PPP2R3A: variants seen among roughly 807,000 people sequenced by gnomAD.
The protein encoded by PPP2R3A is protein phosphatase 2 regulatory subunit B''alpha.
PPP2R3A carries 80 observed loss-of-function variants against 106.9 expected under a neutral mutation model. The observed-to-expected ratio is 0.75, with a 90% confidence interval of 0.62 to 0.90. The LOEUF is 0.90. PPP2R3A is among the 40% of genes least tolerant of loss of function. The probability of loss-of-function intolerance (pLI) is 0.00; values close to 1 mark genes in which losing one functional copy is unlikely to be tolerated. For synonymous variants in PPP2R3A, 483 were observed against 468.3 expected, an observed-to-expected ratio of 1.03 and a Z score of -0.41; for missense variants, 1,386 against 1,350.4, an observed-to-expected ratio of 1.03 and a Z score of -0.41.
At chr3:136,024,598 C>T (rs574401115) in intron 2 of PPP2R3A, among the ~76,000 whole-genome samples, 23 of 152,184 alleles carry the variant, frequency 1.5e-4, no homozygotes, top group Admixed American at 1.4e-3. Flanking sequence ...AAAGCAAAAG[C>T]ATAGAGTTAA....
intron 5 of PPP2R3A, among the ~76,000 whole-genome samples, chr3:136,052,427 T>C (rs1441374334): frequency 3.3e-5 from 5 of 152,152 alleles, no homozygotes. Context: ...CCTACTAGGC[T>C]CTCCTCCTCC....
At chr3:136,129,700 C>T (rs1450894604) in intron 13 of PPP2R3A, among the ~76,000 whole-genome samples, 1 of 152,100 alleles carries the variant, frequency 6.6e-6, no homozygotes, top group Admixed American at 6.6e-5. Flanking sequence ...CAAAGCCTAC[C>T]AGAGACACAA....
chr3:136,077,527 G>T (rs891275304), intron 6 of PPP2R3A, among the ~76,000 whole-genome samples: 1 of 67,148 alleles, frequency 1.5e-5, no homozygotes, highest in African/African-American at 6.1e-5. Flanking sequence ...AAATAAAGCT[G>T]CTCAAATTGC....
chr3:136,055,504 AT>A, intron 5 of PPP2R3A: 1 of 1,190,334 alleles, frequency 8.4e-7, no homozygotes, highest in Non-Finnish European at 1.3e-6. Context: ...TAGTTTGGAG[AT>A]TACAGGTTCT....
chr3:136,136,058 AAAAAAAAAAAAAAAATTATATAT>A, intron 13 of PPP2R3A, among the ~76,000 whole-genome samples: 1 of 47,214 alleles, frequency 2.1e-5, no homozygotes, highest in East Asian at 9.9e-4. Flanking sequence ...AAAAAAAAAA[AAAAAAAAAAAAAAAATTATATAT>A]ATATATATAT....
intron 1 of PPP2R3A, among the ~76,000 whole-genome samples, chr3:135,980,294 T>C (rs957681694): frequency 5.3e-5 from 8 of 151,808 alleles, no homozygotes; most frequent in African/African-American, 9.7e-5. Flanking sequence ...CCATCTTGCC[T>C]GTGAACAAGG....
At chr3:135,988,375 T>C (rs960387472) in intron 1 of PPP2R3A, among the ~76,000 whole-genome samples, 4 of 152,062 alleles carry the variant, frequency 2.6e-5, no homozygotes, top group African/African-American at 9.7e-5. Context: ...ATCTGACCAC[T>C]TTGCTCCTGC....
intron 8 of PPP2R3A, among the ~76,000 whole-genome samples, chr3:136,085,292 C>CCA (rs1336418499): frequency 6.6e-6 from 1 of 152,100 alleles, no homozygotes; most frequent in Non-Finnish European, 1.5e-5. Flanking sequence ...GGGAGTTCCC[C>CCA]CACACACACC....
intron 13 of PPP2R3A, among the ~76,000 whole-genome samples, chr3:136,132,575 A>C (rs2108019721): frequency 6.6e-6 from 1 of 152,032 alleles, no homozygotes; most frequent in South Asian, 2.1e-4. Context: ...ATAAAATAAT[A>C]ATACTTGTAC....
chr3:136,103,567 A>G (rs1937436746), intron 12 of PPP2R3A, among the ~76,000 whole-genome samples, 191 bp downstream of exon 12: 1 of 152,216 alleles, frequency 6.6e-6, no homozygotes, highest in African/African-American at 2.4e-5. Flanking sequence ...CGTCAGGTCT[A>G]AGTAACCTGC....
chr3:135,985,373 T>G (rs1937596036), intron 1 of PPP2R3A, among the ~76,000 whole-genome samples: 1 of 123,364 alleles, frequency 8.1e-6, no homozygotes, highest in Admixed American at 7.9e-5. Flanking sequence ...CCTCTCTCCC[T>G]TCCTCTCTCC....
At chr3:136,025,605 T>C (rs968117032) in intron 2 of PPP2R3A, among the ~76,000 whole-genome samples, 5 of 152,144 alleles carry the variant, frequency 3.3e-5, no homozygotes, top group African/African-American at 1.2e-4. Flanking sequence ...ATTTTTATCA[T>C]GATTTTTAAA....
intron 12 of PPP2R3A, among the ~76,000 whole-genome samples, chr3:136,104,391 C>T (rs1465564862): frequency 6.6e-6 from 1 of 151,884 alleles, no homozygotes; most frequent in African/African-American, 2.4e-5. Flanking sequence ...ACCGCAACCT[C>T]CGCCTCCCGG....
intron 10 of PPP2R3A, among the ~76,000 whole-genome samples, chr3:136,099,287 G>A (rs1199720570): frequency 6.6e-6 from 1 of 152,024 alleles, no homozygotes; most frequent in African/African-American, 2.4e-5. Context: ...TCTCAAATAT[G>A]AGCAGAGAAC....
chr3:136,066,980 A>G, intron 5 of PPP2R3A, among the ~76,000 whole-genome samples: 1 of 152,196 alleles, frequency 6.6e-6, no homozygotes, highest in East Asian at 1.9e-4. Flanking sequence ...TGTTAAAGCC[A>G]ATATCTTATT....
chr3:136,137,008 A>G lies in PPP2R3A; in HGVS notation c.3330-8035A>G, dbSNP rs6771253. On this transcript the variant is annotated intron_variant, in intron 13 of 13. Transcript: ENST00000264977. ...ATACAACAGCATTTATATAAACTCAACCCTCGTAAGAGAAGCCAGAAAGAC... is the reference window on the plus strand; with the variant it reads ...ATACAACAGCATTTATATAAACTCAGCCCTCGTAAGAGAAGCCAGAAAGAC... 3.5e-3 allele frequency among the ~76,000 whole-genome samples: 539 copies of G among 152,326 alleles called. 7 individuals are homozygous for G. In the East Asian group the frequency reaches 0.048, roughly 13 times the overall value.
At chr3:136,079,296 G>T in intron 7 of PPP2R3A, 1 of 326,678 alleles carries the variant, frequency 3.1e-6, no homozygotes, top group Non-Finnish European at 6.3e-6. Context: ...AATATGGGAT[G>T]GGTTAAAATG....
At chr3:136,064,122 A>G (rs1398332159) in intron 5 of PPP2R3A, among the ~76,000 whole-genome samples, 1 of 151,984 alleles carries the variant, frequency 6.6e-6, no homozygotes, top group Non-Finnish European at 1.5e-5. Context: ...TTGTAGGGAC[A>G]TGGATGAAGC....
chr3:135,985,309 C>T (rs1342683633), intron 1 of PPP2R3A, among the ~76,000 whole-genome samples: 1 of 151,778 alleles, frequency 6.6e-6, no homozygotes, highest in Non-Finnish European at 1.5e-5. Context: ...CTTTGTCTCT[C>T]TCTCTCTCCC....
Sources: gnomAD v4.1 joint callset for allele counts (sites outside exome capture counted in the v4.1 genomes callset) on GRCh38, gnomAD v4.1.1 for gene constraint, MANE v1.5 for transcripts, NCBI Gene and HGNC (gene_info 2026-07-23, HGNC 2026-07-21) for gene names.